Variants in KHDRBS3 observed in about 807,000 individuals in gnomAD.
KHDRBS3 encodes the protein KH domain-containing, RNA-binding, signal transduction-associated protein 3.
In KHDRBS3, 23 loss-of-function variants were observed where a neutral mutation model predicts 45.6. That is an observed-to-expected ratio of 0.50 (90% CI 0.36 to 0.72). The LOEUF is 0.72. KHDRBS3 is among the 30% of genes least tolerant of loss of function. The pLI, the probability that KHDRBS3 is intolerant of heterozygous loss-of-function variation, is 0.00. For missense variants in KHDRBS3, 352 were observed against 424.8 expected, an observed-to-expected ratio of 0.83 and a Z score of 1.51; for synonymous variants, 162 against 156.5, an observed-to-expected ratio of 1.04 and a Z score of -0.26.
intron 7 of KHDRBS3, among the ~76,000 whole-genome samples, chr8:135,627,022 ATC>A (rs1830403255): frequency 6.6e-6 from 1 of 152,158 alleles, no homozygotes; most frequent in Non-Finnish European, 1.5e-5. Flanking sequence ...AAGGTTAGCT[ATC>A]TCTATATCAG....
intron 1 of KHDRBS3, among the ~76,000 whole-genome samples, chr8:135,500,737 A>G (rs1172555430): frequency 5.3e-5 from 8 of 152,218 alleles, no homozygotes; most frequent in Admixed American, 4.6e-4. Flanking sequence ...TTCATCTGGT[A>G]CTTGCCACAC....
Position 135,567,516 on chromosome 8 carries a change from G to A in KHDRBS3, c.611+9929G>A, listed in dbSNP as rs76290614. Among the ~76,000 whole-genome samples, 727 of 152,292 alleles carry A rather than the reference G, an allele frequency of 4.8e-3. 2 individuals are homozygous for A. Among genetic ancestry groups the A allele is most frequent in the Non-Finnish European group, 7.2e-3 (493 of 68,024 alleles). On this transcript the variant is annotated intron_variant, in intron 5 of 8. Transcript: ENST00000355849. ...ACTTTGCTGTTACTAGGACCATATG[G>A]CAAAGCAATTACTAAGTGTGTTAAT...
chr8:135,476,255 T>C (rs78697000), intron 1 of KHDRBS3, among the ~76,000 whole-genome samples: 1,902 of 152,240 alleles, frequency 0.012, 33 homozygotes, highest in African/African-American at 0.044. Context: ...GCGATTCTCC[T>C]GCCTGAGCCT....
chr8:135,517,733 G>C (rs1037077280), intron 1 of KHDRBS3, among the ~76,000 whole-genome samples: 1 of 152,122 alleles, frequency 6.6e-6, no homozygotes. Context: ...CCGCGATGGG[G>C]CTCAGGGCTC....
rs372291122 is a variant in KHDRBS3 at position 135,487,088 on chromosome 8, T to C, written c.88+29134T>C. Reference sequence around the variant, plus strand: ...TTCTCAGCATTCTATATCTTTTAAATGTCATATATTCATTGTCTAAGTATA... The same window carrying C: ...TTCTCAGCATTCTATATCTTTTAAACGTCATATATTCATTGTCTAAGTATA... On this transcript the variant is annotated intron_variant, in intron 1 of 8. Coordinates refer to ENST00000355849, the MANE Select transcript of KHDRBS3 (RefSeq NM_006558.3). 1.4e-4 allele frequency among the ~76,000 whole-genome samples: 21 copies of C among 152,358 alleles called. No homozygotes were observed. The South Asian group carries it at 4.3e-3, about 32-fold the overall frequency.
At chr8:135,530,261 G>T (rs1035973588) in intron 2 of KHDRBS3, among the ~76,000 whole-genome samples, 3 of 151,890 alleles carry the variant, frequency 2.0e-5, no homozygotes, top group Admixed American at 6.6e-5. Flanking sequence ...TGATTATTTT[G>T]GCTCTGGGCT....
At chr8:135,458,444 G>A (rs1821237757) in intron 1 of KHDRBS3, 1 of 224,286 alleles carries the variant, frequency 4.5e-6, no homozygotes. Context: ...CGAAGTTTGG[G>A]GACCTTGGAA....
In KHDRBS3 at chr8:135,539,808, C is replaced by T. The variant is rs1825956464; in HGVS notation, c.208-2846C>T. The T allele has an allele frequency of 2.0e-5, 3 of 152,130 alleles. No homozygotes were observed. The South Asian group carries it at 6.2e-4, about 32-fold the overall frequency. The allele number at this position is 152,130 out of a possible 1,614,324, so 9.4% of individuals were successfully genotyped here. ...GGAAAATAAAAGTGTTTCTGGTTGT[C>T]ACAGTATTCATTTATGTACTTTTTG... On this transcript the variant is annotated intron_variant, in intron 2 of 8. Transcript: ENST00000355849.
chr8:135,520,199 G>A (rs143776910), intron 1 of KHDRBS3, among the ~76,000 whole-genome samples: 1 of 152,184 alleles, frequency 6.6e-6, no homozygotes, highest in Non-Finnish European at 1.5e-5. Context: ...CAAGCAAAAT[G>A]GATAAATACG....
intron 7 of KHDRBS3, among the ~76,000 whole-genome samples, chr8:135,620,070 C>CT (rs750819164): frequency 1.9e-3 from 258 of 136,896 alleles, no homozygotes; most frequent in East Asian, 4.2e-3. Flanking sequence ...TTAGCAAGGC[C>CT]TTTTTTTTTT....
intron 5 of KHDRBS3, among the ~76,000 whole-genome samples, chr8:135,576,780 C>T (rs1459689059): frequency 2.0e-5 from 3 of 152,162 alleles, no homozygotes; most frequent in African/African-American, 7.2e-5. Context: ...TCTGCGCTTT[C>T]TCAGCTGACA....
At chr8:135,520,495 A>T (rs536949431) in intron 1 of KHDRBS3, among the ~76,000 whole-genome samples, 5 of 152,282 alleles carry the variant, frequency 3.3e-5, no homozygotes, top group African/African-American at 1.2e-4. Flanking sequence ...TATGTTCCAG[A>T]GGGAGAGGTA....
intron 6 of KHDRBS3, among the ~76,000 whole-genome samples, chr8:135,605,187 G>A (rs1275411565): frequency 6.6e-6 from 1 of 151,466 alleles, no homozygotes; most frequent in Non-Finnish European, 1.5e-5. Context: ...TTAAATTTTG[G>A]AAGTTTTCAG....
At chr8:135,516,992 G>A (rs1440718281) in intron 1 of KHDRBS3, among the ~76,000 whole-genome samples, 2 of 152,048 alleles carry the variant, frequency 1.3e-5, no homozygotes, top group Non-Finnish European at 2.9e-5. Flanking sequence ...GAATATTAGT[G>A]GACTTTAGTA....
intron 7 of KHDRBS3, among the ~76,000 whole-genome samples, chr8:135,619,751 A>G (rs1047007272): frequency 5.9e-5 from 9 of 152,362 alleles, no homozygotes; most frequent in African/African-American, 2.2e-4. Context: ...GAAAAACAAT[A>G]CAGGATACAT....
intron 4 of KHDRBS3, among the ~76,000 whole-genome samples, chr8:135,655,704 C>G (rs1284864229): frequency 6.6e-6 from 1 of 151,054 alleles, no homozygotes; most frequent in Admixed American, 6.6e-5. Flanking sequence ...CCACAATGGC[C>G]ATTTCTCTGC....
intron 1 of KHDRBS3, among the ~76,000 whole-genome samples, chr8:135,493,486 T>C (rs1464158582): frequency 6.6e-6 from 1 of 152,166 alleles, no homozygotes; most frequent in Admixed American, 6.5e-5. Flanking sequence ...CCTGTTTTGC[T>C]GCAAGTTTTT....
At chr8:135,515,509 G>C (rs867534187) in intron 1 of KHDRBS3, among the ~76,000 whole-genome samples, 1 of 148,840 alleles carries the variant, frequency 6.7e-6, no homozygotes, top group Admixed American at 6.8e-5. Flanking sequence ...TTCCTACTCT[G>C]CTCTGTGCCC....
chr8:135,508,495 G>C (rs764393622), intron 1 of KHDRBS3, among the ~76,000 whole-genome samples: 1 of 152,118 alleles, frequency 6.6e-6, no homozygotes, highest in East Asian at 1.9e-4. Context: ...ATTCTAATTG[G>C]TGACCTCTGG....
Sources: gnomAD v4.1 joint callset for allele counts (sites outside exome capture counted in the v4.1 genomes callset) on GRCh38, gnomAD v4.1.1 for gene constraint, MANE v1.5 for transcripts, NCBI Gene and HGNC (gene_info 2026-07-23, HGNC 2026-07-21) for gene names.